CREB5: variants seen among roughly 807,000 people sequenced by gnomAD.
CREB5 encodes cyclic AMP-responsive element-binding protein 5.
In CREB5, 19 loss-of-function variants were observed where a neutral mutation model predicts 57.1. The ratio of observed to expected loss-of-function variants is 0.33; its 90% CI spans 0.23 to 0.49. CREB5 has a LOEUF of 0.49. CREB5 is among the 20% of genes least tolerant of loss of function. The pLI is 0.99. For synonymous variants in CREB5, 238 were observed against 238.3 expected (o/e 1.00, Z 0.01); for missense variants, 579 against 671.6 (o/e 0.86, Z 1.52).
chr7:28,801,028 C>G (rs1430151176), intron 7 of CREB5, among the ~76,000 whole-genome samples: 9 of 152,164 alleles, frequency 5.9e-5, no homozygotes, highest in African/African-American at 2.2e-4. Context: ...ACATATAGAA[C>G]AAGGACTGGC....
chr7:28,764,140 A>G (rs1805820637), intron 7 of CREB5, among the ~76,000 whole-genome samples: 1 of 152,246 alleles, frequency 6.6e-6, no homozygotes, highest in Non-Finnish European at 1.5e-5. Flanking sequence ...TAGAAATTAC[A>G]TTCATGGTGC....
At chr7:28,730,430 A>G (rs4722837) in intron 7 of CREB5, among the ~76,000 whole-genome samples, 66,617 of 151,354 alleles carry the variant, frequency 0.44, 15,025 homozygotes, top group Middle Eastern at 0.53. Flanking sequence ...AGCAATCCTC[A>G]CACTTCAACC....
chr7:28,545,033 A>G (rs1479824617), intron 4 of CREB5, among the ~76,000 whole-genome samples: 1 of 152,156 alleles, frequency 6.6e-6, no homozygotes, highest in Admixed American at 6.5e-5. Context: ...GAGGCAGATA[A>G]GGAATTGGAG....
intron 1 of CREB5, among the ~76,000 whole-genome samples, chr7:28,423,711 G>A (rs1053501406): frequency 6.6e-6 from 1 of 152,168 alleles, no homozygotes; most frequent in Admixed American, 6.5e-5. Flanking sequence ...TCTGCATCCT[G>A]AGAACAGAAA....
chr7:28,439,704 A>G (rs1789105845), intron 1 of CREB5, among the ~76,000 whole-genome samples: 1 of 152,174 alleles, frequency 6.6e-6, no homozygotes, highest in African/African-American at 2.4e-5. Context: ...ATCTCCTAAG[A>G]TGGCACTTTC....
At chr7:28,377,857 G>C (rs1786868539) in intron 1 of CREB5, among the ~76,000 whole-genome samples, 1 of 142,258 alleles carries the variant, frequency 7.0e-6, no homozygotes, top group Admixed American at 7.7e-5. Context: ...GCGTGAACCC[G>C]AGAGGCGGAG....
At chr7:28,732,843 G>T (rs150330501) in intron 7 of CREB5, among the ~76,000 whole-genome samples, 132 of 141,452 alleles carry the variant, frequency 9.3e-4, no homozygotes, top group Middle Eastern at 3.5e-3. Flanking sequence ...GTTTAGGGTT[G>T]TTTTTTTTTT....
intron 5 of CREB5, among the ~76,000 whole-genome samples, chr7:28,651,973 A>G (rs1220843536): frequency 6.6e-6 from 1 of 152,178 alleles, no homozygotes; most frequent in East Asian, 1.9e-4. Flanking sequence ...CACTTGTAAA[A>G]CAGGATAAAT....
chr7:28,377,757 G>A (rs1267715222), intron 1 of CREB5, among the ~76,000 whole-genome samples: 1 of 151,198 alleles, frequency 6.6e-6, no homozygotes, highest in Non-Finnish European at 1.5e-5. Context: ...TGAAACCCCC[G>A]TCTCTACTAA....
intron 1 of CREB5, among the ~76,000 whole-genome samples, chr7:28,477,904 C>T (rs773005221): frequency 3.3e-5 from 5 of 152,276 alleles, no homozygotes; most frequent in South Asian, 2.1e-4. Flanking sequence ...TGCTTGAGCC[C>T]GGGAGTTTGA....
chr7:28,543,865 C>T (rs941151046), intron 4 of CREB5, among the ~76,000 whole-genome samples: 1 of 151,162 alleles, frequency 6.6e-6, no homozygotes, highest in Non-Finnish European at 1.5e-5. Context: ...TGCCTGGGGA[C>T]CAGTCACATA....
chr7:28,785,237 C>T (rs1469103538), intron 7 of CREB5, among the ~76,000 whole-genome samples: 6 of 152,196 alleles, frequency 3.9e-5, no homozygotes, highest in Non-Finnish European at 8.8e-5. Flanking sequence ...TGGGAAGCAT[C>T]TGGGTCGTAT....
At chr7:28,704,052 C>G (rs1359988282) in intron 5 of CREB5, among the ~76,000 whole-genome samples, 1 of 152,174 alleles carries the variant, frequency 6.6e-6, no homozygotes, top group Non-Finnish European at 1.5e-5. Flanking sequence ...TTTCATCATT[C>G]TCAAAATGTC....
chr7:28,801,988 G>A (rs958835039), intron 7 of CREB5, among the ~76,000 whole-genome samples: 1 of 146,888 alleles, frequency 6.8e-6, no homozygotes, highest in Non-Finnish European at 1.5e-5. Flanking sequence ...AGGAGGCTGA[G>A]GCAGGAGAAT....
chr7:28,429,240 G>A (rs1246061426), intron 1 of CREB5, among the ~76,000 whole-genome samples: 4 of 152,016 alleles, frequency 2.6e-5, no homozygotes, highest in Non-Finnish European at 4.4e-5. Context: ...TGGCCAGGCT[G>A]GTCTCGAACT....
chr7:28,436,287 C>A lies in CREB5; in HGVS notation c.3+23370C>A, dbSNP rs980480612. Among the ~76,000 whole-genome samples, 56 of 152,208 alleles carry A rather than the reference C, an allele frequency of 3.7e-4. 1 individual carries two copies. Among genetic ancestry groups the A allele is most frequent in the African/African-American group, 1.3e-3 (54 of 41,532 alleles). ...TACATTTGTGCATATGGCCTTTCCACTTATGTTTTCCAATGTTTCTTAAAC... is the reference window on the plus strand; with the variant it reads ...TACATTTGTGCATATGGCCTTTCCAATTATGTTTTCCAATGTTTCTTAAAC... On this transcript the variant is annotated intron_variant, in intron 1 of 10. Coordinates refer to ENST00000357727, the MANE Select transcript of CREB5 (RefSeq NM_182898.4).
At chr7:28,553,229 A>G (rs998383178) in intron 4 of CREB5, among the ~76,000 whole-genome samples, 2 of 152,150 alleles carry the variant, frequency 1.3e-5, no homozygotes, top group African/African-American at 2.4e-5. Context: ...ACATGATCCA[A>G]ATATATCATG....
At chr7:28,700,960 A>T (rs544975712) in intron 5 of CREB5, among the ~76,000 whole-genome samples, 4 of 70,078 alleles carry the variant, frequency 5.7e-5, no homozygotes, top group African/African-American at 2.8e-4. Flanking sequence ...CCAGGGATTT[A>T]AAAAAAAAAA....
At chr7:28,653,409 T>C (rs1799218060) in intron 5 of CREB5, among the ~76,000 whole-genome samples, 1 of 152,164 alleles carries the variant, frequency 6.6e-6, no homozygotes, top group Non-Finnish European at 1.5e-5. Flanking sequence ...AAGTAGTGTT[T>C]CATTGAGCCT....
Sources: allele counts gnomAD v4.1 joint callset (sites outside exome capture counted in the v4.1 genomes callset), GRCh38; gene constraint gnomAD v4.1.1; transcripts MANE v1.5; gene names NCBI Gene and HGNC (gene_info 2026-07-23, HGNC 2026-07-21).